Variants in ATP2B2 observed in about 807,000 individuals in gnomAD.
ATP2B2 encodes the protein ATPase plasma membrane Ca2+ transporting 2.
In ATP2B2, 15 loss-of-function variants were observed where a neutral mutation model predicts 120.0. The ratio of observed to expected loss-of-function variants is 0.12; its 90% CI spans 0.08 to 0.19. The LOEUF is 0.19. Among genes scored for constraint, ATP2B2 ranks in the 10% least tolerant of loss-of-function variants. The probability of loss-of-function intolerance (pLI) is 1.00; values close to 1 mark genes in which losing one functional copy is unlikely to be tolerated. For synonymous variants in ATP2B2, 694 were observed against 700.3 expected, an observed-to-expected ratio of 0.99 and a Z score of 0.14; for missense variants, 1,045 against 1,719.8, an observed-to-expected ratio of 0.61 and a Z score of 6.94.
intron 2 of ATP2B2, among the ~76,000 whole-genome samples, chr3:10,610,365 C>T (rs1029207832): frequency 6.6e-6 from 1 of 151,950 alleles, no homozygotes; most frequent in Admixed American, 6.6e-5. Context: ...CCCAGTTCCC[C>T]ACCCCCAATT....
At chr3:10,583,007 A>G (rs1285550666) in intron 2 of ATP2B2, among the ~76,000 whole-genome samples, 2 of 152,270 alleles carry the variant, frequency 1.3e-5, no homozygotes, top group African/African-American at 4.8e-5. Flanking sequence ...TGTCAGCAGC[A>G]GGCCCTCAAT....
intron 2 of ATP2B2, among the ~76,000 whole-genome samples, chr3:10,592,261 T>C (rs1411311248): frequency 6.6e-6 from 1 of 152,186 alleles, no homozygotes; most frequent in East Asian, 1.9e-4. Context: ...AGGCAAATAA[T>C]ACAAAAAGAA....
chr3:10,546,597 G>A (rs1015207770), intron 2 of ATP2B2, among the ~76,000 whole-genome samples: 1 of 152,208 alleles, frequency 6.6e-6, no homozygotes, highest in East Asian at 1.9e-4. Flanking sequence ...ACTTGGGCCT[G>A]CAGGAACTCC....
intron 12 of ATP2B2, among the ~76,000 whole-genome samples, chr3:10,362,334 T>A (rs1025639446): frequency 2.0e-5 from 3 of 152,178 alleles, no homozygotes; most frequent in Non-Finnish European, 2.9e-5. Flanking sequence ...ACTGGATGTA[T>A]CCCTGGCCTA....
At chr3:10,417,118 C>T (rs1254050672) in intron 2 of ATP2B2, among the ~76,000 whole-genome samples, 6 of 138,644 alleles carry the variant, frequency 4.3e-5, no homozygotes, top group Non-Finnish European at 7.4e-5. Flanking sequence ...GGTGGGTGGC[C>T]GGGCAGAGGG....
At chr3:10,553,334 A>G (rs902055243) in intron 2 of ATP2B2, among the ~76,000 whole-genome samples, 13 of 152,178 alleles carry the variant, frequency 8.5e-5, no homozygotes, top group Admixed American at 8.5e-4. Flanking sequence ...GCCCTGTTCC[A>G]TGCCTGACAC....
At chr3:10,423,322 G>T (rs955300541) in intron 2 of ATP2B2, among the ~76,000 whole-genome samples, 1 of 152,176 alleles carries the variant, frequency 6.6e-6, no homozygotes, top group African/African-American at 2.4e-5. Flanking sequence ...TTGACGGTTG[G>T]GAAAATGGAG....
intron 2 of ATP2B2, among the ~76,000 whole-genome samples, chr3:10,588,353 A>C (rs557668422): frequency 6.6e-6 from 1 of 152,302 alleles, no homozygotes; most frequent in South Asian, 2.1e-4. Context: ...GAGAGGGAAT[A>C]TTTGTAAAGG....
rs929953104 is a variant in ATP2B2 at position 10,519,907 on chromosome 3, G to C, written c.-320+14132C>G. 3.3e-5 allele frequency among the ~76,000 whole-genome samples: 5 copies of C among 152,298 alleles called. No homozygotes were observed. The East Asian group carries it at 9.6e-4, about 29-fold the overall frequency. ...ACCTGCCTAGCAAGTGGCAGGACTG[G>C]GATCGAATGCAGGGGTTTTTCTCAC... is the stretch of plus-strand genomic sequence containing the variant. On this transcript the variant is annotated intron_variant, in intron 3 of 21. Coordinates refer to the ATP2B2 transcript ENST00000646379.
chr3:10,512,349 G>A (rs2066777546), intron 3 of ATP2B2, among the ~76,000 whole-genome samples: 1 of 152,048 alleles, frequency 6.6e-6, no homozygotes, highest in Non-Finnish European at 1.5e-5. Context: ...AAGAAGTTAG[G>A]GAATAAAATG....
At chr3:10,695,011 G>C (rs959209981) in intron 1 of ATP2B2, among the ~76,000 whole-genome samples, 1 of 152,030 alleles carries the variant, frequency 6.6e-6, no homozygotes, top group African/African-American at 2.4e-5. Context: ...CCCACTCTTT[G>C]AATTTTGGGT....
intron 2 of ATP2B2, among the ~76,000 whole-genome samples, chr3:10,540,105 G>A (rs1418392537): frequency 4.0e-5 from 6 of 151,486 alleles, no homozygotes; most frequent in South Asian, 2.1e-4. Context: ...GCAGCCAACA[G>A]ACACATGAAA....
At chr3:10,471,993 A>G (rs1194152983) in intron 1 of ATP2B2, among the ~76,000 whole-genome samples, 1 of 149,556 alleles carries the variant, frequency 6.7e-6, no homozygotes. Flanking sequence ...AGGCAGGAGA[A>G]TGGCGTGAAC....
intron 1 of ATP2B2, among the ~76,000 whole-genome samples, chr3:10,654,725 G>C (rs938700192): frequency 6.6e-6 from 1 of 151,766 alleles, no homozygotes; most frequent in South Asian, 2.1e-4. Flanking sequence ...GTTTTGGGAG[G>C]CTGTCTCCAT....
intron 1 of ATP2B2, among the ~76,000 whole-genome samples, chr3:10,634,952 A>C (rs957340826): frequency 6.6e-6 from 1 of 152,178 alleles, no homozygotes; most frequent in African/African-American, 2.4e-5. Flanking sequence ...GCTTTTGCTC[A>C]AAGGATCAGA....
At chr3:10,538,313 A>G (rs971744082) in intron 2 of ATP2B2, among the ~76,000 whole-genome samples, 3 of 152,222 alleles carry the variant, frequency 2.0e-5, no homozygotes, top group Non-Finnish European at 4.4e-5. Context: ...AGGAGCTGGT[A>G]CCATTCCTTC....
intron 2 of ATP2B2, among the ~76,000 whole-genome samples, chr3:10,569,662 C>T (rs575596218): frequency 1.3e-5 from 2 of 152,208 alleles, no homozygotes; most frequent in East Asian, 1.9e-4. Flanking sequence ...TAAGGTGTAC[C>T]GTTCAGAGCT....
intron 1 of ATP2B2, among the ~76,000 whole-genome samples, chr3:10,625,461 G>A (rs1022707003): frequency 3.3e-5 from 5 of 152,166 alleles, no homozygotes; most frequent in Non-Finnish European, 5.9e-5. Flanking sequence ...CTGAACTACT[G>A]AATGGGATGG....
chr3:10,440,935 C>T (rs1425241380), intron 2 of ATP2B2, among the ~76,000 whole-genome samples: 3 of 152,138 alleles, frequency 2.0e-5, no homozygotes, highest in African/African-American at 7.2e-5. Flanking sequence ...GAGAAAATGC[C>T]GTGAAGCCTC....
Sources: allele counts gnomAD v4.1 joint callset (sites outside exome capture counted in the v4.1 genomes callset), GRCh38; gene constraint gnomAD v4.1.1; transcripts MANE v1.5; gene names NCBI Gene and HGNC (gene_info 2026-07-23, HGNC 2026-07-21).